Variants in RPS6KC1 observed in about 807,000 individuals in gnomAD.
The protein encoded by RPS6KC1 is inactive ribosomal protein S6 kinase delta-1.
In RPS6KC1, 54 loss-of-function variants were observed where a neutral mutation model predicts 103.8. The ratio of observed to expected loss-of-function variants is 0.52; its 90% CI spans 0.42 to 0.65. The LOEUF (loss-of-function observed/expected upper bound fraction) is 0.65, where lower values mean the gene tolerates loss of function less well. Ranked by LOEUF, RPS6KC1 falls within the 30% of genes least tolerant of loss-of-function variation. The pLI is 0.00. For synonymous variants in RPS6KC1, 439 were observed against 438.7 expected (o/e 1.00, Z -0.01); for missense variants, 1,151 against 1,253.8 (o/e 0.92, Z 1.24).
intron 6 of RPS6KC1, among the ~76,000 whole-genome samples, chr1:213,138,928 A>G (rs1195882836): frequency 6.6e-6 from 1 of 152,228 alleles, no homozygotes; most frequent in Non-Finnish European, 1.5e-5. Context: ...AGGAATCTCC[A>G]GACTGCTTTC....
chr1:213,516,399 G>A, the RPS6KC1 span, among the ~76,000 whole-genome samples: 75 of 151,760 alleles, frequency 4.9e-4, no homozygotes, highest in African/African-American at 1.6e-3. Context: ...TTTGAGATAC[G>A]TCCCATCAAT....
At chr1:213,739,670 TG>T in the RPS6KC1 span, among the ~76,000 whole-genome samples, 1 of 152,014 alleles carries the variant, frequency 6.6e-6, no homozygotes, top group Non-Finnish European at 1.5e-5. Context: ...AACAGTTATA[TG>T]GCATGACACT....
chr1:213,421,668 C>A, the RPS6KC1 span, among the ~76,000 whole-genome samples: 2 of 152,226 alleles, frequency 1.3e-5, no homozygotes, highest in African/African-American at 4.8e-5. Context: ...CTGGTCAAAT[C>A]TCTCTTTCAT....
At chr1:213,357,461 T>G in the RPS6KC1 span, among the ~76,000 whole-genome samples, 2 of 152,192 alleles carry the variant, frequency 1.3e-5, no homozygotes, top group African/African-American at 4.8e-5. Context: ...GATTGCAGAA[T>G]CACGAAAGAT....
At chr1:213,494,294 T>G in the RPS6KC1 span, among the ~76,000 whole-genome samples, 2 of 152,056 alleles carry the variant, frequency 1.3e-5, no homozygotes, top group Non-Finnish European at 1.5e-5. Flanking sequence ...AAAGGAAGAT[T>G]CAAGAAAATG....
the RPS6KC1 span, among the ~76,000 whole-genome samples, chr1:213,357,289 C>T: frequency 2.6e-5 from 4 of 151,868 alleles, no homozygotes; most frequent in African/African-American, 7.3e-5. Context: ...CTTGCTCTTC[C>T]CTAGTGGTGC....
chr1:213,374,104 TG>T, the RPS6KC1 span, among the ~76,000 whole-genome samples: 3 of 152,196 alleles, frequency 2.0e-5, no homozygotes, highest in South Asian at 6.2e-4. Context: ...GCATGGGCCT[TG>T]GTGTCATGTG....
the RPS6KC1 span, among the ~76,000 whole-genome samples, chr1:213,443,620 G>A: frequency 7.9e-5 from 12 of 152,192 alleles, no homozygotes; most frequent in South Asian, 2.1e-4. Flanking sequence ...GTGAGCTGTC[G>A]GAAGTTTTGT....
At chr1:213,323,047 A>G in the RPS6KC1 span, among the ~76,000 whole-genome samples, 31 of 149,716 alleles carry the variant, frequency 2.1e-4, no homozygotes, top group African/African-American at 2.0e-4. Flanking sequence ...TACAGGTGTG[A>G]GCCACTGCGC....
chr1:213,228,425 A>C (rs1241347681), intron 8 of RPS6KC1, among the ~76,000 whole-genome samples: 1 of 152,156 alleles, frequency 6.6e-6, no homozygotes, highest in Non-Finnish European at 1.5e-5. Flanking sequence ...AGGAATGGTA[A>C]AATTATTTCA....
the RPS6KC1 span, among the ~76,000 whole-genome samples, chr1:213,346,903 G>A: frequency 6.6e-6 from 1 of 152,122 alleles, no homozygotes; most frequent in Non-Finnish European, 1.5e-5. Context: ...GGCTGAATCA[G>A]ATTTGCCTAG....
intron 3 of RPS6KC1, among the ~76,000 whole-genome samples, chr1:213,087,913 G>C (rs1572441671): frequency 6.6e-6 from 1 of 152,082 alleles, no homozygotes; most frequent in East Asian, 1.9e-4. Context: ...TCTAGACCTG[G>C]TTGCCCTCCT....
chr1:213,634,031 A>G, the RPS6KC1 span, among the ~76,000 whole-genome samples: 1 of 152,104 alleles, frequency 6.6e-6, no homozygotes, highest in Non-Finnish European at 1.5e-5. Flanking sequence ...AGAGCTAACT[A>G]TCCTAAATAT....
intron 12 of RPS6KC1, among the ~76,000 whole-genome samples, chr1:213,258,941 A>G (rs1272664558): frequency 6.6e-6 from 1 of 152,168 alleles, no homozygotes; most frequent in Non-Finnish European, 1.5e-5. Context: ...TATGTCCTTC[A>G]TGAGTATCAT....
the RPS6KC1 span, among the ~76,000 whole-genome samples, chr1:213,410,509 T>C: frequency 6.6e-6 from 1 of 152,056 alleles, no homozygotes; most frequent in Non-Finnish European, 1.5e-5. Context: ...AGAGAAAATA[T>C]CAAGAAAGGT....
chr1:213,614,760 G>A, the RPS6KC1 span, among the ~76,000 whole-genome samples: 8 of 152,348 alleles, frequency 5.3e-5, no homozygotes, highest in South Asian at 1.7e-3. Context: ...TGCCATGGCA[G>A]AACCTGAGTC....
rs575046908 is a variant in RPS6KC1, at chr1:213,152,528, C to T, written c.836-15330C>T. Among the ~76,000 whole-genome samples the T allele has an allele frequency of 5.6e-3, 824 of 148,150 alleles. 5 individuals carry two copies. Among genetic ancestry groups the T allele is most frequent in the Middle Eastern group, 0.019 (5 of 270 alleles). ...GGGGCTCCTCACTTCTCAGACGGGG[C>T]GGCCGGGTAGAGATGCTCCTCACCT... On this transcript the variant is annotated intron_variant, in intron 6 of 14. Transcript: ENST00000366960.
chr1:213,169,461 T>C (rs2091286192), intron 7 of RPS6KC1, among the ~76,000 whole-genome samples: 1 of 152,240 alleles, frequency 6.6e-6, no homozygotes, highest in African/African-American at 2.4e-5. Flanking sequence ...GCGACTCTTT[T>C]AGTCTGTATT....
intron 2 of RPS6KC1, among the ~76,000 whole-genome samples, chr1:213,074,834 C>T (rs2079163030): frequency 7.3e-6 from 1 of 136,512 alleles, no homozygotes; most frequent in Non-Finnish European, 1.6e-5. Flanking sequence ...AATGACTTAA[C>T]TAGAATAAAT....
Sources: allele counts gnomAD v4.1 joint callset (sites outside exome capture counted in the v4.1 genomes callset), GRCh38; gene constraint gnomAD v4.1.1; transcripts MANE v1.5; gene names NCBI Gene and HGNC (gene_info 2026-07-23, HGNC 2026-07-21).